Variants in GPR62 observed in about 807,000 individuals in gnomAD.
The protein encoded by GPR62 is G protein-coupled receptor 62.
For missense variants in GPR62, 513 were observed against 541.5 expected (o/e 0.95, Z 0.52); for synonymous variants, 280 against 286.9 (o/e 0.98, Z 0.24).
rs1306894912 is a variant in GPR62 at position 51,956,086 on chromosome 3, C to A, written c.434C>A (p.Ala145Glu). The part of the protein sequence containing the change: ...AVWAAAGLLG[A>E]LSLLGTPPAP... Reference sequence around the variant, plus strand: ...TGGGCCGCGGCGGGACTGCTGGGCGCGCTCTCCCTGCTCGGCACGCCGCCC... The same window carrying A: ...TGGGCCGCGGCGGGACTGCTGGGCGAGCTCTCCCTGCTCGGCACGCCGCCC... Residue 145 changes from alanine (A) to glutamate (E), a missense_variant, in exon 1 of 1, where the codon GCG becomes GAG. Coordinates refer to ENST00000322241, the MANE Select transcript of GPR62 (RefSeq NM_080865.4). The A allele has an allele frequency of 7.0e-7, 1 of 1,431,128 alleles. No individual in the cohort carries two copies. The highest frequency in any genetic ancestry group is 1.4e-5 in the South Asian group (1 of 72,322). 88.7% of individuals were successfully genotyped at this position (1,431,128 alleles called of 1,614,324 possible). A position where few individuals can be genotyped will look rare whatever the true frequency, so the allele number is the denominator to read the frequency against.
Position 51,955,827 on chromosome 3 carries a change from C to T in GPR62, c.175C>T (p.Leu59=), listed in dbSNP as rs772229309. ...LYLAHLCVVD[L]LAAASIMPLG... is the part of the protein sequence containing the mutation. ...CCTGGCGCACCTGTGCGTCGTGGAC[C>T]TGCTGGCGGCCGCCTCCATCATGCC... is the stretch of plus-strand genomic sequence containing the variant. The change falls in exon 1 of 1, where the codon CTG becomes TTG. Residue 59 remains leucine (L), a synonymous_variant. Coordinates refer to ENST00000322241, the MANE Select transcript of GPR62 (RefSeq NM_080865.4). The T allele has an allele frequency of 6.5e-7, 1 of 1,533,718 alleles. No individual in the cohort carries two copies. Among genetic ancestry groups the T allele is most frequent in the East Asian group, 2.6e-5 (1 of 37,868 alleles).
Position 51,955,437 on chromosome 3 carries a change from G to A in GPR62, c.-216G>A, listed in dbSNP as rs1699821050. 3 of 456,892 alleles carry A rather than the reference G, an allele frequency of 6.6e-6. No homozygotes were observed. Among genetic ancestry groups the A allele is most frequent in the Non-Finnish European group, 1.2e-5 (3 of 257,744 alleles). The allele number at this position is 456,892 out of a possible 1,614,324, so 28.3% of individuals were successfully genotyped here. A position where few individuals can be genotyped will look rare whatever the true frequency, so the allele number is the denominator to read the frequency against. ...GAGCTGGGCTGGGGCAGGGGAGAAA[G>A]ACAGCAGACTCATCCTTGCACCCCT... is the stretch of plus-strand genomic sequence containing the variant. On this transcript the variant is annotated 5_prime_UTR_variant, in exon 1 of 1. Transcript: ENST00000322241.
In GPR62 at chr3:51,956,873, C is replaced by T. The variant is rs1030619659; in HGVS notation, c.*114C>T. ...ACAGGAGGAGAAAGGGTGTCTGCTG[C>T]CTGGTGAGGCCCACGGACTTCTGAG... On this transcript the variant is annotated 3_prime_UTR_variant, in exon 1 of 1. Transcript: ENST00000322241. 1 of 1,449,880 alleles carries T rather than the reference C, an allele frequency of 6.9e-7. No individual in the cohort carries two copies. The highest frequency in any genetic ancestry group is 2.8e-5 in the Admixed American group (1 of 35,166). The allele number at this position is 1,449,880 out of a possible 1,614,324, so 89.8% of individuals were successfully genotyped here. A position where few individuals can be genotyped will look rare whatever the true frequency, so the allele number is the denominator to read the frequency against.
Position 51,955,443 on chromosome 3 carries a change from A to G in GPR62, c.-210A>G, listed in dbSNP as rs1699821165. 2 of 472,078 alleles carry G rather than the reference A, an allele frequency of 4.2e-6. No homozygotes were observed. Among genetic ancestry groups the G allele is most frequent in the Admixed American group, 4.2e-5 (1 of 23,892 alleles). The allele number at this position is 472,078 out of a possible 1,614,324, so 29.2% of individuals were successfully genotyped here. On this transcript the variant is annotated 5_prime_UTR_variant, in exon 1 of 1. Transcript: ENST00000322241. ...GGCTGGGGCAGGGGAGAAAGACAGC[A>G]GACTCATCCTTGCACCCCTCCATGG...
At position 51,956,005 on chromosome 3, in the gene GPR62, TGCACCCGCTGCGGCCAGGCTC is replaced by T. The variant is rs1352482362; in HGVS notation, c.356_376del (p.His119_Ser125del). The T allele has an allele frequency of 1.4e-6, 2 of 1,433,434 alleles. No individual in the cohort carries two copies. Among genetic ancestry groups the T allele is most frequent in the East Asian group, 3.2e-5 (1 of 31,080 alleles). 88.8% of individuals were successfully genotyped at this position (1,433,434 alleles called of 1,614,324 possible). ...GGCCTGGCACGCTACCGCCTCATCG[TGCACCCGCTGCGGCCAGGCTC>T]GCGGCCGCCGCCTGTGCTCGTGCTC... On this transcript the variant is annotated inframe_deletion, in exon 1 of 1. Transcript: ENST00000322241.
In GPR62 at chr3:51,956,015, G is replaced by A; in HGVS notation, c.363G>A (p.Leu121=). ...GCTACCGCCTCATCGTGCACCCGCT[G>A]CGGCCAGGCTCGCGGCCGCCGCCTG... ...LARYRLIVHP[L]RPGSRPPPVL... is the part of the protein sequence containing the mutation. Residue 121 remains leucine, a synonymous_variant, in exon 1 of 1, where the codon CTG becomes CTA. Coordinates refer to ENST00000322241, the MANE Select transcript of GPR62 (RefSeq NM_080865.4). The A allele has an allele frequency of 7.0e-7, 1 of 1,433,534 alleles. No homozygotes were observed. Among genetic ancestry groups the A allele is most frequent in the Non-Finnish European group, 9.1e-7 (1 of 1,096,444 alleles). The allele number at this position is 1,433,534 out of a possible 1,614,324, so 88.8% of individuals were successfully genotyped here.
At position 51,956,123 on chromosome 3, in the gene GPR62, T is replaced by C; in HGVS notation, c.471T>C (p.Pro157=). The change falls in exon 1 of 1, where the codon CCT becomes CCC. Residue 157 remains proline (P), a synonymous_variant. Transcript: ENST00000322241. ...SLLGTPPAPP[P]APARCSVLAG... The stretch of plus-strand genomic sequence containing the variant: ...TCGGCACGCCGCCCGCACCGCCCCC[T>C]GCTCCTGCTCGCTGCTCGGTCCTGG... 1 of 1,456,978 alleles carries C rather than the reference T, an allele frequency of 6.9e-7. No homozygotes were observed. Among genetic ancestry groups the C allele is most frequent in the Non-Finnish European group, 9.0e-7 (1 of 1,111,426 alleles). 90.3% of individuals were successfully genotyped at this position (1,456,978 alleles called of 1,614,324 possible). A position where few individuals can be genotyped will look rare whatever the true frequency, so the allele number is the denominator to read the frequency against.
Position 51,957,047 on chromosome 3 carries a change from C to G in GPR62, c.*288C>G, listed in dbSNP as rs565453808. 451 of 429,582 alleles carry G rather than the reference C, an allele frequency of 1.0e-3. 3 individuals carry two copies. Among genetic ancestry groups the G allele is most frequent in the South Asian group, 3.1e-3 (37 of 11,778 alleles). The allele number at this position is 429,582 out of a possible 1,614,324, so 26.6% of individuals were successfully genotyped here. A position where few individuals can be genotyped will look rare whatever the true frequency, so the allele number is the denominator to read the frequency against. ...GGTTTGTGAAACTCACAGGTGGTCC[C>G]CAGGCCAAGATGGGCAGGTGTCACA... is the stretch of plus-strand genomic sequence containing the variant. On this transcript the variant is annotated 3_prime_UTR_variant, in exon 1 of 1. Transcript: ENST00000322241.
chr3:51,955,702 G>C lies in GPR62; in HGVS notation c.50G>C (p.Gly17Ala). The C allele has an allele frequency of 6.2e-7, 1 of 1,609,264 alleles. No homozygotes were observed. The highest frequency in any genetic ancestry group is 1.1e-5 in the South Asian group (1 of 90,210). ...GCCTCAGAAGTCGCAGGCTCGTTGG[G>C]GTTGATCCTGGCAGCTGTCGTGGAG... ...LNASEVAGSL[G>A]LILAAVVEVG... Residue 17 changes from glycine to alanine, a missense_variant, in exon 1 of 1, where the codon GGG becomes GCG. Gly to Ala is a moderately conservative substitution (Grantham distance 60). Transcript: ENST00000322241.
chr3:51,955,949 G>A lies in GPR62; in HGVS notation c.297G>A (p.Leu99=). 2 of 1,412,180 alleles carry A rather than the reference G, an allele frequency of 1.4e-6. No individual in the cohort carries two copies. The highest frequency in any genetic ancestry group is 5.5e-5 in the Admixed American group (2 of 36,524). 87.5% of individuals were successfully genotyped at this position (1,412,180 alleles called of 1,614,324 possible). ...CTCGCTTCCTCTCCGCCGCTCTGCTGCCGGCCTGCACGCTCGGGGTGGCCG... is the reference window on the plus strand; with the variant it reads ...CTCGCTTCCTCTCCGCCGCTCTGCTACCGGCCTGCACGCTCGGGGTGGCCG... The part of the protein sequence containing the change: ...RAARFLSAAL[L]PACTLGVAAL... The change falls in exon 1 of 1, where the codon CTG becomes CTA. Residue 99 remains leucine (L), a synonymous_variant. Transcript: ENST00000322241.
In GPR62 at chr3:51,955,665, A is replaced by G; in HGVS notation, c.13A>G (p.Thr5Ala). The G allele has an allele frequency of 1.2e-6, 2 of 1,604,042 alleles. No individual in the cohort carries two copies. The highest frequency in any genetic ancestry group is 1.7e-6 in the Non-Finnish European group (2 of 1,174,994). ...CCTGAGAGCCCAAATGGCCAACTCC[A>G]CAGGGCTGAACGCCTCAGAAGTCGC... MANS[T>A]GLNASEVAGS... Residue 5 changes from threonine to alanine, a missense_variant, in exon 1 of 1, where the codon ACA becomes GCA. Coordinates refer to ENST00000322241, the MANE Select transcript of GPR62 (RefSeq NM_080865.4).
In GPR62 at chr3:51,956,706, G is replaced by C. The variant is rs1179211748; in HGVS notation, c.1054G>C (p.Ala352Pro). Residue 352 changes from alanine (A) to proline (P), a missense_variant, in exon 1 of 1, where the codon GCA (alanine) becomes CCA (proline). Coordinates refer to ENST00000322241, the MANE Select transcript of GPR62 (RefSeq NM_080865.4). ...GGCTCCAGAACAGACCCCCGAGTTG[G>C]CAGGAGGGCGGAGCCCCGCATACCA... ...SEAPEQTPEL[A>P]GGRSPAYQGP... is the part of the protein sequence containing the mutation. 18 of 1,612,332 alleles carry C rather than the reference G, an allele frequency of 1.1e-5. No individual in the cohort carries two copies. The highest frequency in any genetic ancestry group is 1.3e-5 in the African/African-American group (1 of 74,900).
Position 51,955,439 on chromosome 3 carries a change from C to A in GPR62, c.-214C>A. On this transcript the variant is annotated 5_prime_UTR_variant, in exon 1 of 1. Coordinates refer to ENST00000322241, the MANE Select transcript of GPR62 (RefSeq NM_080865.4). ...GCTGGGCTGGGGCAGGGGAGAAAGA[C>A]AGCAGACTCATCCTTGCACCCCTCC... The A allele has an allele frequency of 2.1e-6, 1 of 467,068 alleles. No homozygotes were observed. Among genetic ancestry groups the A allele is most frequent in the East Asian group, 3.6e-5 (1 of 27,430 alleles). The allele number at this position is 467,068 out of a possible 1,614,324, so 28.9% of individuals were successfully genotyped here.
chr3:51,955,521 G>A lies in GPR62; in HGVS notation c.-132G>A. On this transcript the variant is annotated 5_prime_UTR_variant, in exon 1 of 1. Coordinates refer to ENST00000322241, the MANE Select transcript of GPR62 (RefSeq NM_080865.4). ...AGCCTGGGCGTCGGAGCCACCTCCT[G>A]GGCAGCCAATGAGGTGAGGGGCCGG... is the stretch of plus-strand genomic sequence containing the variant. The A allele has an allele frequency of 1.3e-6, 1 of 782,720 alleles. No homozygotes were observed. The highest frequency in any genetic ancestry group is 2.0e-6 in the Non-Finnish European group (1 of 512,254). 48.5% of individuals were successfully genotyped at this position (782,720 alleles called of 1,614,324 possible). A position where few individuals can be genotyped will look rare whatever the true frequency, so the allele number is the denominator to read the frequency against.
rs1438543542 is a variant in GPR62 at position 51,955,942 on chromosome 3, C to T, written c.290C>T (p.Ala97Val). The change falls in exon 1 of 1, where the codon GCT (alanine) becomes GTT (valine). Residue 97 changes from alanine (A) to valine (V), a missense_variant. Coordinates refer to ENST00000322241, the MANE Select transcript of GPR62 (RefSeq NM_080865.4). ...CGCGCCGCTCGCTTCCTCTCCGCCGCTCTGCTGCCGGCCTGCACGCTCGGG... is the reference window on the plus strand; with the variant it reads ...CGCGCCGCTCGCTTCCTCTCCGCCGTTCTGCTGCCGGCCTGCACGCTCGGG... ...PCRAARFLSA[A>V]LLPACTLGVA... 6 of 1,399,386 alleles carry T rather than the reference C, an allele frequency of 4.3e-6. No homozygotes were observed. Among genetic ancestry groups the T allele is most frequent in the Non-Finnish European group, 5.6e-6 (6 of 1,075,144 alleles). 86.7% of individuals were successfully genotyped at this position (1,399,386 alleles called of 1,614,324 possible).
In GPR62 at chr3:51,955,923, G is replaced by A. The variant is rs1420423898; in HGVS notation, c.271G>A (p.Ala91Thr). ...CCTGGGCCCCGCGCCATGCCGCGCC[G>A]CTCGCTTCCTCTCCGCCGCTCTGCT... The part of the protein sequence containing the change: ...VRLGPAPCRA[A>T]RFLSAALLPA... Residue 91 changes from alanine (A) to threonine (T), a missense_variant, in exon 1 of 1, where the codon GCT becomes ACT. By Grantham distance (58) the Ala-to-Thr change is moderately conservative. Coordinates refer to ENST00000322241, the MANE Select transcript of GPR62 (RefSeq NM_080865.4). The A allele has an allele frequency of 2.9e-6, 4 of 1,357,308 alleles. No individual in the cohort carries two copies. Among genetic ancestry groups the A allele is most frequent in the Admixed American group, 3.4e-5 (1 of 29,732 alleles). The allele number at this position is 1,357,308 out of a possible 1,614,324, so 84.1% of individuals were successfully genotyped here.
Position 51,956,502 on chromosome 3 carries a change from G to T in GPR62, c.850G>T (p.Ala284Ser), listed in dbSNP as rs1434295950. Reference sequence around the variant, plus strand: ...CACCTGGGTCGCCTACTCGGCCTTCGCGGCTCACCCCTTCCTGTACGGGCT... The same window carrying T: ...CACCTGGGTCGCCTACTCGGCCTTCTCGGCTCACCCCTTCCTGTACGGGCT... ...AVTWVAYSAF[A>S]AHPFLYGLLQ... Residue 284 changes from alanine to serine, a missense_variant, in exon 1 of 1, where the codon GCG (alanine) becomes TCG (serine). Ala to Ser is a moderately conservative substitution (Grantham distance 99, BLOSUM62 1). Transcript: ENST00000322241. The T allele has an allele frequency of 6.3e-7, 1 of 1,592,082 alleles. No homozygotes were observed.
At position 51,956,100 on chromosome 3, in the gene GPR62, G is replaced by T. The variant is rs765940415; in HGVS notation, c.448G>T (p.Gly150Cys). ...AGLLGALSLL[G>C]TPPAPPPAPA... Reference sequence around the variant, plus strand: ...ACTGCTGGGCGCGCTCTCCCTGCTCGGCACGCCGCCCGCACCGCCCCCTGC... The same window carrying T: ...ACTGCTGGGCGCGCTCTCCCTGCTCTGCACGCCGCCCGCACCGCCCCCTGC... Residue 150 changes from glycine (G) to cysteine (C), a missense_variant, in exon 1 of 1, where the codon GGC (glycine) becomes TGC (cysteine). Transcript: ENST00000322241. 9.1e-6 allele frequency: 13 copies of T among 1,435,024 alleles called. No homozygotes were observed. The highest frequency in any genetic ancestry group is 1.5e-5 in the African/African-American group (1 of 66,890). The allele number at this position is 1,435,024 out of a possible 1,614,324, so 88.9% of individuals were successfully genotyped here. A position where few individuals can be genotyped will look rare whatever the true frequency, so the allele number is the denominator to read the frequency against.
chr3:51,957,442 G>A lies in GPR62; in HGVS notation c.*683G>A, dbSNP rs1162446890. The A allele has an allele frequency of 3.6e-5, 6 of 167,246 alleles. No homozygotes were observed. Among genetic ancestry groups the A allele is most frequent in the Non-Finnish European group, 1.5e-5 (1 of 68,200 alleles). The allele number at this position is 167,246 out of a possible 1,614,324, so 10.4% of individuals were successfully genotyped here. On this transcript the variant is annotated 3_prime_UTR_variant, in exon 1 of 1. Coordinates refer to ENST00000322241, the MANE Select transcript of GPR62 (RefSeq NM_080865.4). Reference sequence around the variant, plus strand: ...GGAGGTTTTGCTGCCCACAACACCAGTATTTCACAACTTCCTGGTCGCTGA... The same window carrying A: ...GGAGGTTTTGCTGCCCACAACACCAATATTTCACAACTTCCTGGTCGCTGA...
Sources: gnomAD v4.1 joint callset for allele counts on GRCh38, gnomAD v4.1.1 for gene constraint, MANE v1.5 for transcripts, NCBI Gene and HGNC (gene_info 2026-07-23, HGNC 2026-07-21) for gene names.